Variants in NALF1 observed in about 807,000 individuals in gnomAD.
NALF1 encodes the protein NALCN channel auxiliary factor 1.
Under a neutral mutation model 48.4 loss-of-function variants are expected in NALF1, and 3 were observed. That is an observed-to-expected ratio of 0.06 (90% CI 0.03 to 0.16). The LOEUF (loss-of-function observed/expected upper bound fraction) is 0.16, where lower values mean the gene tolerates loss of function less well. Ranked by LOEUF, NALF1 falls within the 10% of genes least tolerant of loss-of-function variation. The probability of loss-of-function intolerance (pLI) is 1.00; values close to 1 mark genes in which losing one functional copy is unlikely to be tolerated. For synonymous variants in NALF1, 262 were observed against 245.7 expected, an observed-to-expected ratio of 1.07 and a Z score of -0.62; for missense variants, 526 against 571.5, an observed-to-expected ratio of 0.92 and a Z score of 0.81.
chr13:107,530,452 T>G (rs959320379), intron 1 of NALF1, among the ~76,000 whole-genome samples: 3 of 152,178 alleles, frequency 2.0e-5, no homozygotes, highest in Admixed American at 6.6e-5. Context: ...ATGAATGAAG[T>G]ATATCCATAT....
chr13:107,261,065 T>C (rs766496030), intron 1 of NALF1, among the ~76,000 whole-genome samples: 2 of 152,240 alleles, frequency 1.3e-5, no homozygotes, highest in African/African-American at 2.4e-5. Flanking sequence ...TGGAAGAGTT[T>C]ATTGTGCGAA....
chr13:107,837,511 C>T (rs1879929419), intron 1 of NALF1, among the ~76,000 whole-genome samples: 1 of 152,124 alleles, frequency 6.6e-6, no homozygotes, highest in African/African-American at 2.4e-5. Context: ...TACGCATCTA[C>T]CTGTTACATG....
intron 1 of NALF1, among the ~76,000 whole-genome samples, chr13:107,267,201 TA>T (rs1230788489): frequency 1.3e-5 from 2 of 152,230 alleles, no homozygotes; most frequent in East Asian, 3.8e-4. Flanking sequence ...ACTGATCACG[TA>T]TTTGGACCTA....
At chr13:107,288,268 G>A (rs1312156731) in intron 1 of NALF1, among the ~76,000 whole-genome samples, 1 of 139,876 alleles carries the variant, frequency 7.1e-6, no homozygotes, top group Non-Finnish European at 1.5e-5. Flanking sequence ...CGCCCAGGCT[G>A]GAGGGCAGTG....
chr13:107,270,205 A>T (rs1881132880), intron 1 of NALF1, among the ~76,000 whole-genome samples: 1 of 152,086 alleles, frequency 6.6e-6, no homozygotes, highest in African/African-American at 2.4e-5. Flanking sequence ...GAATATTGAA[A>T]ATTTATTTTC....
intron 1 of NALF1, among the ~76,000 whole-genome samples, chr13:107,255,246 T>C (rs1382132472): frequency 6.6e-6 from 1 of 152,248 alleles, no homozygotes; most frequent in Non-Finnish European, 1.5e-5. Flanking sequence ...CCCGCTTTGC[T>C]ACCTCTTTGT....
At chr13:107,320,269 A>T (rs1172768721) in intron 1 of NALF1, among the ~76,000 whole-genome samples, 3 of 152,062 alleles carry the variant, frequency 2.0e-5, no homozygotes, top group African/African-American at 7.2e-5. Flanking sequence ...CAGGAGAAAA[A>T]CACCCCATCA....
intron 1 of NALF1, among the ~76,000 whole-genome samples, chr13:107,378,756 G>T (rs77600499): frequency 1.3e-5 from 2 of 152,076 alleles, no homozygotes; most frequent in Non-Finnish European, 1.5e-5. Flanking sequence ...AGGTTAGAAA[G>T]GAATTGAAAA....
At chr13:107,842,832 C>T (rs561008313) in intron 1 of NALF1, among the ~76,000 whole-genome samples, 3 of 152,010 alleles carry the variant, frequency 2.0e-5, no homozygotes, top group South Asian at 2.1e-4. Context: ...TGATTTAATC[C>T]ATCTTGGCAA....
chr13:107,460,344 C>T (rs1200170167), intron 1 of NALF1, among the ~76,000 whole-genome samples: 1 of 152,204 alleles, frequency 6.6e-6, no homozygotes, highest in East Asian at 1.9e-4. Flanking sequence ...CGAGGGTTAT[C>T]TACTCTTTAC....
chr13:107,537,625 C>T (rs997143350), intron 1 of NALF1, among the ~76,000 whole-genome samples: 9 of 152,076 alleles, frequency 5.9e-5, no homozygotes, highest in African/African-American at 1.9e-4. Flanking sequence ...AACTAGGAAT[C>T]CACAGAGACC....
chr13:107,430,053 T>C (rs932556575), intron 1 of NALF1, among the ~76,000 whole-genome samples: 11 of 152,218 alleles, frequency 7.2e-5, no homozygotes, highest in African/African-American at 2.7e-4. Context: ...TGAGCCTTGA[T>C]ATTAAGAGAG....
intron 1 of NALF1, among the ~76,000 whole-genome samples, chr13:107,436,102 C>T (rs901077517): frequency 2.0e-5 from 3 of 152,144 alleles, no homozygotes; most frequent in African/African-American, 7.2e-5. Flanking sequence ...AAGCTATTAG[C>T]CAGTGAATTT....
intron 1 of NALF1, among the ~76,000 whole-genome samples, chr13:107,493,362 G>T (rs1032587545): frequency 6.6e-5 from 10 of 152,152 alleles, no homozygotes; most frequent in Non-Finnish European, 1.3e-4. Context: ...GAAGCAGGTA[G>T]ACCAGGCTCT....
At chr13:107,809,713 G>C (rs781379819) in intron 1 of NALF1, among the ~76,000 whole-genome samples, 1 of 151,932 alleles carries the variant, frequency 6.6e-6, no homozygotes, top group Non-Finnish European at 1.5e-5. Context: ...TTAATATCAC[G>C]CCCACTTTAT....
At chr13:107,838,030 A>C (rs1196830188) in intron 1 of NALF1, among the ~76,000 whole-genome samples, 1 of 152,222 alleles carries the variant, frequency 6.6e-6, no homozygotes, top group Non-Finnish European at 1.5e-5. Flanking sequence ...AAAAGCGACT[A>C]CGACTTCTGT....
At chr13:107,634,311 G>T (rs1948264524) in intron 1 of NALF1, among the ~76,000 whole-genome samples, 1 of 151,974 alleles carries the variant, frequency 6.6e-6, no homozygotes, top group Non-Finnish European at 1.5e-5. Flanking sequence ...ATTACTTAAT[G>T]GGTACAATGT....
intron 1 of NALF1, among the ~76,000 whole-genome samples, chr13:107,739,549 A>T (rs990740714): frequency 1.3e-5 from 2 of 151,926 alleles, no homozygotes; most frequent in Admixed American, 1.3e-4. Context: ...TCATCAGGAA[A>T]ATATAGTAAC....
chr13:107,735,989 G>A (rs561503640), intron 1 of NALF1, among the ~76,000 whole-genome samples: 1 of 152,002 alleles, frequency 6.6e-6, no homozygotes, highest in East Asian at 1.9e-4. Context: ...ATTTTATCTT[G>A]TCTGACATTA....
Sources: allele counts gnomAD v4.1 joint callset (sites outside exome capture counted in the v4.1 genomes callset), GRCh38; gene constraint gnomAD v4.1.1; transcripts MANE v1.5; gene names NCBI Gene and HGNC (gene_info 2026-07-23, HGNC 2026-07-21).